Variants in TNIK observed in about 807,000 individuals in gnomAD.
TNIK encodes TRAF2 and NCK-interacting protein kinase.
In TNIK, 49 loss-of-function variants were observed where a neutral mutation model predicts 191.3. The ratio of observed to expected loss-of-function variants is 0.26; its 90% CI spans 0.20 to 0.32. The LOEUF is 0.32. TNIK is among the 10% of genes least tolerant of loss of function. The probability of loss-of-function intolerance (pLI) is 1.00; values close to 1 mark genes in which losing one functional copy is unlikely to be tolerated. For synonymous variants in TNIK, 594 were observed against 600.9 expected (o/e 0.99, Z 0.17); for missense variants, 1,155 against 1,702.3 (o/e 0.68, Z 5.66).
At chr3:171,400,386 G>A (rs1181090149) in intron 1 of TNIK, among the ~76,000 whole-genome samples, 1 of 151,988 alleles carries the variant, frequency 6.6e-6, no homozygotes, top group Non-Finnish European at 1.5e-5. Context: ...GCAGCATAGT[G>A]AGACCTCATC....
At chr3:171,419,682 G>A (rs2108626310) in intron 1 of TNIK, among the ~76,000 whole-genome samples, 1 of 152,306 alleles carries the variant, frequency 6.6e-6, no homozygotes, top group Non-Finnish European at 1.5e-5. Flanking sequence ...CTGTGACGTG[G>A]GGAGAGCATG....
intron 18 of TNIK, among the ~76,000 whole-genome samples, chr3:171,118,215 G>A (rs1210670464): frequency 6.6e-6 from 1 of 152,164 alleles, no homozygotes; most frequent in East Asian, 1.9e-4. Context: ...AAAATACCTA[G>A]GAATCCAACT....
intron 11 of TNIK, among the ~76,000 whole-genome samples, chr3:171,158,778 C>T (rs974982405): frequency 5.3e-5 from 8 of 152,172 alleles, no homozygotes; most frequent in Non-Finnish European, 2.9e-5. Flanking sequence ...GTTTCAGTGA[C>T]AGTGGCTGGG....
intron 12 of TNIK, among the ~76,000 whole-genome samples, chr3:171,155,840 G>A (rs1467190958): frequency 6.6e-6 from 1 of 152,220 alleles, no homozygotes; most frequent in East Asian, 1.9e-4. Flanking sequence ...CTTATCAGTG[G>A]AGACACAGAA....
At chr3:171,157,322 T>C in intron 12 of TNIK, 138 bp downstream of exon 12, 1 of 1,071,778 alleles carries the variant, frequency 9.3e-7, no homozygotes, top group South Asian at 1.6e-5. Context: ...ATTCAGGACT[T>C]ATCTGCCCTT....
intron 4 of TNIK, among the ~76,000 whole-genome samples, chr3:171,204,468 A>G (rs1254302732): frequency 6.6e-6 from 1 of 152,248 alleles, no homozygotes; most frequent in Admixed American, 6.5e-5. Context: ...AATACAGAGA[A>G]TAAATGTTAG....
chr3:171,363,699 T>G (rs1577642247), intron 2 of TNIK, among the ~76,000 whole-genome samples: 1 of 151,948 alleles, frequency 6.6e-6, no homozygotes, highest in East Asian at 1.9e-4. Flanking sequence ...AAATGTTTTA[T>G]CTTATTTTAA....
At chr3:171,183,336 C>T (rs1383685075) in intron 7 of TNIK, among the ~76,000 whole-genome samples, 2 of 152,196 alleles carry the variant, frequency 1.3e-5, no homozygotes, top group South Asian at 2.1e-4. Context: ...GAGAGCAGCA[C>T]GGCAGTCCAC....
intron 2 of TNIK, among the ~76,000 whole-genome samples, chr3:171,342,470 C>A (rs969257728): frequency 2.0e-5 from 3 of 152,078 alleles, no homozygotes; most frequent in East Asian, 1.9e-4. Flanking sequence ...CACTCTCAAG[C>A]ACCTTATGGT....
At chr3:171,446,304 T>C (rs1727488140) in intron 1 of TNIK, among the ~76,000 whole-genome samples, 1 of 152,192 alleles carries the variant, frequency 6.6e-6, no homozygotes. Context: ...TTAAATACAG[T>C]TTGCAATTAC....
intron 18 of TNIK, among the ~76,000 whole-genome samples, chr3:171,121,034 T>G (rs747125285): frequency 1.2e-4 from 19 of 152,172 alleles, no homozygotes; most frequent in Non-Finnish European, 2.1e-4. Context: ...TAACAAAACA[T>G]CCTGAATCTG....
chr3:171,106,435 A>G (rs1205793855), intron 21 of TNIK, among the ~76,000 whole-genome samples: 1 of 152,168 alleles, frequency 6.6e-6, no homozygotes, highest in Non-Finnish European at 1.5e-5. Flanking sequence ...ATTAAATTTC[A>G]CAAAAGTAGT....
chr3:171,333,048 G>A (rs1036161435), intron 2 of TNIK, among the ~76,000 whole-genome samples: 2 of 152,126 alleles, frequency 1.3e-5, no homozygotes, highest in Non-Finnish European at 2.9e-5. Context: ...GCACAGTGAT[G>A]TTCTTTGATG....
chr3:171,185,178 CGTGTGTGTGTGTGT>C (rs148499254), intron 7 of TNIK, among the ~76,000 whole-genome samples: 4 of 145,872 alleles, frequency 2.7e-5, no homozygotes, highest in South Asian at 2.2e-4. Flanking sequence ...ATAGATTTCC[CGTGTGTGTGTGTGT>C]GTGTGTGTGT....
At chr3:171,124,776 T>C (rs961469931) in intron 17 of TNIK, among the ~76,000 whole-genome samples, 1 of 152,214 alleles carries the variant, frequency 6.6e-6, no homozygotes, top group Non-Finnish European at 1.5e-5. Context: ...TCTTAAAACC[T>C]AAGTTTTTGA....
intron 1 of TNIK, among the ~76,000 whole-genome samples, chr3:171,421,724 ATTTTT>A (rs67895255): frequency 2.2e-5 from 2 of 91,354 alleles, no homozygotes; most frequent in African/African-American, 9.9e-5. Flanking sequence ...TAGTTGTGTA[ATTTTT>A]TTTTTTTTTT....
At position 171,220,139 on chromosome 3, in the gene TNIK, A is replaced by G. The variant is rs980640295; in HGVS notation, c.180+8026T>C. Among the ~76,000 whole-genome samples the G allele has an allele frequency of 3.3e-5, 5 of 152,150 alleles. No homozygotes were observed. The South Asian group carries it at 8.3e-4, about 25-fold the overall frequency. Reference sequence around the variant, plus strand: ...CCATCATTCTCAGCAAACTAACACAAGAACAGAAAACCAAACACTGCATGA... The same window carrying G: ...CCATCATTCTCAGCAAACTAACACAGGAACAGAAAACCAAACACTGCATGA... On this transcript the variant is annotated intron_variant, in intron 3 of 32. Transcript: ENST00000436636.
At chr3:171,094,819 C>A (rs1402727601) in intron 22 of TNIK, among the ~76,000 whole-genome samples, 1 of 152,128 alleles carries the variant, frequency 6.6e-6, no homozygotes, top group Non-Finnish European at 1.5e-5. Context: ...CTTCATAGTT[C>A]TCATCACAAT....
chr3:171,302,118 T>TG (rs1560398092), intron 2 of TNIK, among the ~76,000 whole-genome samples: 1 of 151,154 alleles, frequency 6.6e-6, no homozygotes, highest in Non-Finnish European at 1.5e-5. Flanking sequence ...TGGAGGGGAG[T>TG]GGGGGTGAAA....
Sources: gnomAD v4.1 joint callset for allele counts (sites outside exome capture counted in the v4.1 genomes callset) on GRCh38, gnomAD v4.1.1 for gene constraint, MANE v1.5 for transcripts, NCBI Gene and HGNC (gene_info 2026-07-23, HGNC 2026-07-21) for gene names.